Variants in ITFG2 observed in about 807,000 individuals in gnomAD.
The protein encoded by ITFG2 is KICSTOR complex protein ITFG2.
In ITFG2, 36 loss-of-function variants were observed where a neutral mutation model predicts 54.4. The observed-to-expected ratio is 0.66, with a 90% CI of 0.51 to 0.87. ITFG2 has a LOEUF of 0.87. Among genes scored for constraint, ITFG2 ranks in the 40% least tolerant of loss-of-function variants. The pLI, the probability that ITFG2 is intolerant of heterozygous loss-of-function variation, is 0.00. For synonymous variants in ITFG2, 211 were observed against 225.4 expected (o/e 0.94, Z 0.57); for missense variants, 524 against 576.7 (o/e 0.91, Z 0.94).
chr12:2,833,123 A>T (rs1465146384), upstream of ITFG2, among the ~76,000 whole-genome samples: 2 of 151,768 alleles, frequency 1.3e-5, no homozygotes, highest in Non-Finnish European at 2.9e-5. Context: ...ACTGCTAGGG[A>T]TCAATTGGGG....
intron 2 of ITFG2, chr12:2,830,615 C>A: frequency 7.4e-7 from 1 of 1,356,840 alleles, no homozygotes; most frequent in Non-Finnish European, 1.0e-6. Flanking sequence ...CTCCCTCCCT[C>A]CCTCTCCCAT....
downstream of ITFG2, chr12:2,827,730 C>G: frequency 6.2e-7 from 1 of 1,612,802 alleles, no homozygotes; most frequent in Non-Finnish European, 8.5e-7. This position sits in a 1 kb window ranked among gnomAD's most constrained non-coding sequence, Gnocchi z 4.0. Flanking sequence ...GTGGTCACTG[C>G]TGCCCTCCTC....
At chr12:2,855,036 C>T in intron 2 of ITFG2, 1 of 1,536,116 alleles carries the variant, frequency 6.5e-7, no homozygotes, top group Non-Finnish European at 8.7e-7. Context: ...TTTTCATGTC[C>T]ACAAACGTGG....
downstream of ITFG2, chr12:2,828,077 C>T (rs758338411): frequency 6.3e-7 from 1 of 1,584,704 alleles, no homozygotes; most frequent in South Asian, 1.1e-5. Context: ...GTTATGGCTA[C>T]CACAGCCCCT....
At position 2,818,089 on chromosome 12, in the gene ITFG2, A is replaced by G. The variant is rs59252735; in HGVS notation, c.235-17A>G. ...TCCCTCCCCAGTCCATCTCTACTAT[A>G]CCTCTGTTTGTCCTAGAACCTGTTG... On this transcript the variant is annotated splice_polypyrimidine_tract_variant and intron_variant, in intron 3 of 11. Coordinates refer to ENST00000228799, the MANE Select transcript of ITFG2 (RefSeq NM_018463.4). 7.0e-4 allele frequency: 1,123 copies of G among 1,613,066 alleles called. 9 individuals carry two copies. In the African/African-American group the frequency reaches 0.014, roughly 20 times the overall value.
At chr12:2,818,588 A>C in intron 4 of ITFG2, 1 of 420,314 alleles carries the variant, frequency 2.4e-6, no homozygotes, top group South Asian at 2.1e-5. Context: ...ACTTGAGGCC[A>C]GGAGTTCCAG....
rs997280592 is a variant in ITFG2, at chr12:2,817,838, C to T, written c.193-71C>T. On this transcript the variant is annotated intron_variant, in intron 2 of 11. Coordinates refer to ENST00000228799, the MANE Select transcript of ITFG2 (RefSeq NM_018463.4). ...GTGATTAGAAAACCTGCCCGCTCCT[C>T]CTGCTTCACAGAGATCAGGGAGTAC... is the stretch of plus-strand genomic sequence containing the variant. 4.8e-6 allele frequency: 7 copies of T among 1,469,990 alleles called. No individual in the cohort carries two copies. In the Admixed American group the frequency reaches 1.1e-4, roughly 23 times the overall value. 91.1% of individuals were successfully genotyped at this position (1,469,990 alleles called of 1,614,324 possible). A position where few individuals can be genotyped will look rare whatever the true frequency, so the allele number is the denominator to read the frequency against.
chr12:2,846,447 C>T (rs2098053572), intron 2 of ITFG2, among the ~76,000 whole-genome samples: 1 of 152,136 alleles, frequency 6.6e-6, no homozygotes, highest in Non-Finnish European at 1.5e-5. Context: ...AGATGGTAGC[C>T]CAGGCCTTGC....
chr12:2,839,092 G>A (rs533859261), intron 1 of ITFG2, among the ~76,000 whole-genome samples: 2 of 152,210 alleles, frequency 1.3e-5, no homozygotes, highest in Non-Finnish European at 2.9e-5. Flanking sequence ...AGGAGTTCGA[G>A]ACCAGCCTAA....
chr12:2,853,574 G>T (rs1390484524), intron 2 of ITFG2, among the ~76,000 whole-genome samples: 1 of 150,354 alleles, frequency 6.7e-6, no homozygotes, highest in Non-Finnish European at 1.5e-5. Flanking sequence ...GGCCCGGCCT[G>T]TTTTTTTTGT....
chr12:2,817,700 A>G, intron 2 of ITFG2: 1 of 528,272 alleles, frequency 1.9e-6, no homozygotes, highest in Non-Finnish European at 3.3e-6. Flanking sequence ...GGTTGTCTTA[A>G]CCGCCTCAGG....
At chr12:2,823,538 A>G (rs572000820) in intron 10 of ITFG2, among the ~76,000 whole-genome samples, 101 of 151,398 alleles carry the variant, frequency 6.7e-4, no homozygotes, top group African/African-American at 2.1e-3. Context: ...TTTGGATGCT[A>G]TTCTGCCCGG....
At chr12:2,827,029 G>T (rs1209627248), downstream of ITFG2, 6 of 1,441,818 alleles carry the variant, frequency 4.2e-6, no homozygotes, top group African/African-American at 8.7e-5. This position sits in a 1 kb window ranked among gnomAD's most constrained non-coding sequence, Gnocchi z 4.0. Context: ...TAGGACAGCT[G>T]CTGAGAAGCA....
downstream of ITFG2, chr12:2,828,177 C>T (rs1603483867): frequency 1.7e-6 from 2 of 1,159,778 alleles, no homozygotes; most frequent in Non-Finnish European, 2.5e-6. Flanking sequence ...TAAATCCTTG[C>T]CTTCTCTGCC....
chr12:2,830,435 A>ATCTCGGTGGTCGCC, intron 2 of ITFG2: 1 of 366,350 alleles, frequency 2.7e-6, no homozygotes, highest in Non-Finnish European at 4.9e-6. Flanking sequence ...GTCTGTGTAG[A>ATCTCGGTGGTCGCC]GCACACTGAG....
At chr12:2,836,093 C>T (rs2098026933), upstream of ITFG2, among the ~76,000 whole-genome samples, 1 of 152,210 alleles carries the variant, frequency 6.6e-6, no homozygotes. Context: ...GCACACATCT[C>T]CTGGGGCACC....
chr12:2,821,638 A>G, intron 8 of ITFG2, 42 bp downstream of exon 8: 1 of 1,613,732 alleles, frequency 6.2e-7, no homozygotes, highest in African/African-American at 1.3e-5. Flanking sequence ...GTATGCCTGT[A>G]GGGTCTGCTC....
At chr12:2,827,537 CTCA>C, downstream of ITFG2, 1 of 1,596,562 alleles carries the variant, frequency 6.3e-7, no homozygotes. The surrounding 1 kb of genome is among the most constrained non-coding windows in gnomAD (Gnocchi z 4.0). Context: ...CTAAGTCACT[CTCA>C]TCAGAACCTG....
At chr12:2,819,700 G>A (rs2097935927) in intron 4 of ITFG2, 1 of 163,330 alleles carries the variant, frequency 6.1e-6, no homozygotes, top group Non-Finnish European at 1.3e-5. Context: ...CGAGGTAGAG[G>A]TAGCAATTTT....
Sources: gnomAD v4.1 joint callset for allele counts (sites outside exome capture counted in the v4.1 genomes callset) on GRCh38, gnomAD v4.1.1 for gene constraint, Gnocchi (gnomAD v3.1) non-coding constraint, MANE v1.5 for transcripts, NCBI Gene and HGNC (gene_info 2026-07-23, HGNC 2026-07-21) for gene names.